The following TLN2 variants were observed in gnomAD, a reference collection of about 807,000 sequenced individuals.
The protein encoded by TLN2 is talin 2.
In TLN2, 118 loss-of-function variants were observed where a neutral mutation model predicts 294.7. That is an observed-to-expected ratio of 0.40 (90% CI 0.34 to 0.47). TLN2 has a LOEUF of 0.47. TLN2 is among the 20% of genes least tolerant of loss of function. The pLI is 0.84. For missense variants in TLN2, 3,083 were observed against 3,282.2 expected (o/e 0.94, Z 1.48); for synonymous variants, 1,431 against 1,304.5 (o/e 1.10, Z -2.09).
chr15:62,640,923 T>C (rs912317741), intron 3 of TLN2, among the ~76,000 whole-genome samples: 2 of 152,104 alleles, frequency 1.3e-5, no homozygotes, highest in African/African-American at 4.8e-5. Context: ...TGCCTCAGCC[T>C]CCTGGGTGGC....
chr15:62,693,969 T>TTG (rs1567373342), intron 13 of TLN2, among the ~76,000 whole-genome samples: 6 of 5,736 alleles, frequency 1.0e-3, no homozygotes, highest in East Asian at 0.014. Flanking sequence ...TTTTTTTTTT[T>TTG]TTTTTTTTTT....
intron 51 of TLN2, among the ~76,000 whole-genome samples, chr15:62,808,701 C>T (rs1436175221): frequency 6.6e-6 from 1 of 152,150 alleles, no homozygotes; most frequent in African/African-American, 2.4e-5. Flanking sequence ...ATCAAACAGA[C>T]GTGGGGCCTT....
chr15:62,778,139 C>G (rs1041663943), intron 43 of TLN2, among the ~76,000 whole-genome samples: 2 of 152,170 alleles, frequency 1.3e-5, no homozygotes, highest in African/African-American at 2.4e-5. Context: ...GAATAATTAT[C>G]CTTAGGCATT....
At chr15:62,683,368 T>A (rs138581351) in intron 11 of TLN2, among the ~76,000 whole-genome samples, 18 of 152,240 alleles carry the variant, frequency 1.2e-4, no homozygotes, top group African/African-American at 4.3e-4. Context: ...CTGAAATACG[T>A]TTGAAAGAGG....
At chr15:62,410,838 TG>T (rs1276063423) in intron 1 of TLN2, among the ~76,000 whole-genome samples, 1 of 152,212 alleles carries the variant, frequency 6.6e-6, no homozygotes, top group Non-Finnish European at 1.5e-5. Flanking sequence ...GTAGCGTAAG[TG>T]GGAGAAGAGT....
chr15:62,752,449 A>G, intron 35 of TLN2, 22 bp downstream of exon 35: 1 of 1,613,450 alleles, frequency 6.2e-7, no homozygotes, highest in East Asian at 2.2e-5. Flanking sequence ...GTCCCGATGC[A>G]GCCATGTGCC....
At chr15:62,483,195 C>T (rs537096905) in intron 1 of TLN2, among the ~76,000 whole-genome samples, 13 of 152,312 alleles carry the variant, frequency 8.5e-5, no homozygotes, top group South Asian at 8.3e-4. Context: ...CATTTCTTCA[C>T]GGCAGAGTCA....
At chr15:62,585,100 G>A (rs1354729766) in intron 1 of TLN2, among the ~76,000 whole-genome samples, 1 of 152,144 alleles carries the variant, frequency 6.6e-6, no homozygotes, top group Non-Finnish European at 1.5e-5. Flanking sequence ...GTTCTTGGCT[G>A]CATGGGATCT....
chr15:62,663,107 G>A (rs1017867207), intron 9 of TLN2, among the ~76,000 whole-genome samples: 18 of 152,164 alleles, frequency 1.2e-4, no homozygotes, highest in African/African-American at 2.9e-4. Context: ...GAGCCACAGC[G>A]CCGGGCCTTG....
chr15:62,424,785 A>T (rs62004749), intron 1 of TLN2, among the ~76,000 whole-genome samples: 532 of 126,636 alleles, frequency 4.2e-3, no homozygotes, highest in Middle Eastern at 0.027. Context: ...CCTGAGTAGC[A>T]GGGACCACAG....
At chr15:62,690,342 C>T (rs529276847) in intron 12 of TLN2, 61 of 155,058 alleles carry the variant, frequency 3.9e-4, no homozygotes, top group South Asian at 3.3e-3. Flanking sequence ...GGGTCGCGGC[C>T]GGGCAGAGGC....
At chr15:62,808,218 T>C (rs1026391798) in intron 51 of TLN2, among the ~76,000 whole-genome samples, 8 of 152,208 alleles carry the variant, frequency 5.3e-5, no homozygotes, top group African/African-American at 1.7e-4. Context: ...TTCTTTCTAG[T>C]CTTACTTTCA....
At chr15:62,755,486 T>G in intron 36 of TLN2, 46 bp from the exon 37 acceptor site, 1 of 1,601,208 alleles carries the variant, frequency 6.2e-7, no homozygotes, top group Non-Finnish European at 8.5e-7. Flanking sequence ...TGGACCCCTC[T>G]GCACTGTAGC....
chr15:62,687,045 A>G (rs986055400), intron 12 of TLN2, among the ~76,000 whole-genome samples: 1 of 152,154 alleles, frequency 6.6e-6, no homozygotes, highest in Non-Finnish European at 1.5e-5. Flanking sequence ...CCTCTAGTTC[A>G]TTATCTAGAA....
At chr15:62,521,253 G>A (rs150952782) in intron 1 of TLN2, among the ~76,000 whole-genome samples, 177 of 152,288 alleles carry the variant, frequency 1.2e-3, no homozygotes, top group Middle Eastern at 3.4e-3. Context: ...GTGCAGTGCT[G>A]TTGAGAGCAA....
intron 19 of TLN2, among the ~76,000 whole-genome samples, chr15:62,705,941 T>C (rs1449785228): frequency 6.6e-6 from 1 of 152,248 alleles, no homozygotes; most frequent in South Asian, 2.1e-4. Flanking sequence ...TCAGCTTACT[T>C]GATAGATTCA....
At chr15:62,643,563 C>G (rs2051429522) in intron 3 of TLN2, among the ~76,000 whole-genome samples, 1 of 152,036 alleles carries the variant, frequency 6.6e-6, no homozygotes, top group African/African-American at 2.4e-5. Context: ...CTACCCTGAA[C>G]TACCCTCCAT....
chr15:62,664,408 G>C (rs2054277890), intron 9 of TLN2, among the ~76,000 whole-genome samples: 1 of 152,028 alleles, frequency 6.6e-6, no homozygotes, highest in Non-Finnish European at 1.5e-5. Flanking sequence ...ATTTAAATGT[G>C]TGAAGACAAC....
Position 62,746,507 on chromosome 15 carries a change from A to T in TLN2, c.4026-1844A>T, listed in dbSNP as rs1482912441. ...GAGTCAATCTTACAAAAACTATTTT[A>T]GAATTTTCCTATCACCCTAGCTCAA... On this transcript the variant is annotated intron_variant, in intron 32 of 58. Coordinates refer to ENST00000636159, the MANE Select transcript of TLN2 (RefSeq NM_015059.3). Among the ~76,000 whole-genome samples the T allele has an allele frequency of 3.3e-5, 5 of 152,364 alleles. No homozygotes were observed. The East Asian group carries it at 7.7e-4, about 23-fold the overall frequency.
Sources: allele counts gnomAD v4.1 joint callset (sites outside exome capture counted in the v4.1 genomes callset), GRCh38; gene constraint gnomAD v4.1.1; transcripts MANE v1.5; gene names NCBI Gene and HGNC (gene_info 2026-07-23, HGNC 2026-07-21).